PKD1L3: variants seen among roughly 807,000 people sequenced by gnomAD.
PKD1L3 encodes the protein polycystin 1 like 3, transient receptor potential channel interacting.
A neutral mutation model predicts 184.1 loss-of-function variants in PKD1L3; 239 were observed. The ratio of observed to expected loss-of-function variants is 1.30; its 90% confidence interval spans 1.17 to 1.45. PKD1L3 has a LOEUF of 1.45. PKD1L3 is among the 40% of genes most tolerant of loss of function. The pLI, the probability that PKD1L3 is intolerant of heterozygous loss-of-function variation, is 0.00. For synonymous variants in PKD1L3, 996 were observed against 778.8 expected (o/e 1.28, Z -4.64); for missense variants, 2,660 against 2,067.2 (o/e 1.29, Z -5.56).
In PKD1L3 at chr16:71,977,226, TG is replaced by T; in HGVS notation, c.1759+9del. 1 of 1,493,328 alleles carries T rather than the reference TG, an allele frequency of 6.7e-7. No homozygotes were observed. The highest frequency in any genetic ancestry group is 1.2e-5 in the South Asian group (1 of 82,740). The allele number at this position is 1,493,328 out of a possible 1,614,324, so 92.5% of individuals were successfully genotyped here. A position where few individuals can be genotyped will look rare whatever the true frequency, so the allele number is the denominator to read the frequency against. On this transcript the variant is annotated intron_variant, in intron 11 of 29. Transcript: ENST00000620267. The stretch of plus-strand genomic sequence containing the variant: ...TCAAAGTAAGTTTCTGACAGCTGAT[TG>T]GGTTTTACCTTTTTGCCACACCTTA...
chr16:71,938,306 G>A (rs74027716), intron 24 of PKD1L3, among the ~76,000 whole-genome samples: 5 of 152,212 alleles, frequency 3.3e-5, no homozygotes, highest in East Asian at 3.8e-4. Context: ...GGCCTTCTCC[G>A]AACTTTGGAC....
At chr16:71,997,610 T>C (rs1399980119) in intron 2 of PKD1L3, among the ~76,000 whole-genome samples, 1 of 152,016 alleles carries the variant, frequency 6.6e-6, no homozygotes, top group Admixed American at 6.5e-5. Flanking sequence ...TAGCCGGGCA[T>C]GGTGGCACAT....
chr16:71,968,223 G>C lies in PKD1L3; in HGVS notation c.2185-216C>G, dbSNP rs116159819. 1.8e-4 allele frequency among the ~76,000 whole-genome samples: 28 copies of C among 152,264 alleles called. 1 individual carries two copies. The highest frequency in any genetic ancestry group is 9.8e-4 in the Admixed American group (15 of 15,294). ...CCTCCAGGGCCTGTGCCTCTCAAGT[G>C]AAACAGTCATAGAATCACCCGATCA... On this transcript the variant is annotated intron_variant, in intron 13 of 29. Coordinates refer to ENST00000620267, the MANE Select transcript of PKD1L3 (RefSeq NM_181536.2).
chr16:71,979,629 A>G (rs1243911478), intron 9 of PKD1L3, among the ~76,000 whole-genome samples, 157 bp downstream of exon 9: 1 of 152,254 alleles, frequency 6.6e-6, no homozygotes, highest in Non-Finnish European at 1.5e-5. Flanking sequence ...AGAGGCCTCT[A>G]TCCCTGCCAG....
At chr16:71,960,756 A>G (rs1480704764) in intron 16 of PKD1L3, among the ~76,000 whole-genome samples, 1 of 152,200 alleles carries the variant, frequency 6.6e-6, no homozygotes, top group African/African-American at 2.4e-5. Flanking sequence ...ATGTCTATAT[A>G]TGTTTTAAAA....
intron 7 of PKD1L3, among the ~76,000 whole-genome samples, chr16:71,981,635 G>C (rs2040162018): frequency 6.6e-6 from 1 of 150,510 alleles, no homozygotes; most frequent in Non-Finnish European, 1.5e-5. Context: ...CTGCCTCCCA[G>C]GTTCAAGCGA....
rs377673240 is a variant in PKD1L3 at position 71,986,399 on chromosome 16, G to T, written c.656C>A (p.Ser219Ter). The part of the protein sequence containing the change: ...VLSSITSQVT[S>*]AASEPSSQPL... ...CTGGCTGCTGGGTTCAGATGCGGCTGATGTTACCTGTGATGTGATACTTGA... is the reference window on the plus strand; with the variant it reads ...CTGGCTGCTGGGTTCAGATGCGGCTTATGTTACCTGTGATGTGATACTTGA... Residue 219 changes from serine to a stop codon, truncating the protein, a stop_gained, in exon 5 of 30, where the codon TCA becomes TAA. Coordinates refer to ENST00000620267, the MANE Select transcript of PKD1L3 (RefSeq NM_181536.2). LOFTEE classifies it high-confidence loss of function. 12 of 1,551,722 alleles carry T rather than the reference G, an allele frequency of 7.7e-6. No individual in the cohort carries two copies. In the South Asian group the frequency reaches 1.4e-4, roughly 18 times the overall value.
intron 16 of PKD1L3, among the ~76,000 whole-genome samples, chr16:71,957,429 C>CAA (rs138890543): frequency 1.3e-5 from 2 of 151,850 alleles, no homozygotes; most frequent in African/African-American, 4.8e-5. Flanking sequence ...CAGAATGGAC[C>CAA]AAAAAAATGC....
chr16:71,993,107 T>C (rs998302876), intron 3 of PKD1L3, 109 bp downstream of exon 3: 21 of 748,306 alleles, frequency 2.8e-5, no homozygotes, highest in Non-Finnish European at 4.0e-5. Flanking sequence ...ATGCAACGAA[T>C]ATTGGGCACA....
chr16:71,947,414 A>C, intron 22 of PKD1L3, 78 bp downstream of exon 22: 2 of 940,362 alleles, frequency 2.1e-6, no homozygotes, highest in Non-Finnish European at 3.3e-6. Context: ...GAATGGGTTA[A>C]TTTATCGAGT....
chr16:71,947,614 A>T (rs922173717), intron 21 of PKD1L3, 23 bp from the exon 22 acceptor site: 1 of 1,445,900 alleles, frequency 6.9e-7, no homozygotes, highest in African/African-American at 1.4e-5. Context: ...ATCACAGAAC[A>T]TCGTGAGCAG....
At chr16:71,953,602 T>C (rs980827898) in intron 17 of PKD1L3, among the ~76,000 whole-genome samples, 1 of 152,354 alleles carries the variant, frequency 6.6e-6, no homozygotes, top group African/African-American at 2.4e-5. Flanking sequence ...CACACACTTT[T>C]TTTTAATCCC....
chr16:71,973,592 C>T, intron 11 of PKD1L3, 75 bp from the exon 12 acceptor site: 1 of 1,282,728 alleles, frequency 7.8e-7, no homozygotes, highest in East Asian at 2.5e-5. Context: ...TCTAAAGGAT[C>T]TATTATTAAT....
chr16:71,931,806 C>CTA (rs2037982071), intron 28 of PKD1L3, among the ~76,000 whole-genome samples: 1 of 152,098 alleles, frequency 6.6e-6, no homozygotes, highest in African/African-American at 2.4e-5. Context: ...TGCATAAACC[C>CTA]TATATACATC....
intron 2 of PKD1L3, 71 bp downstream of exon 2, chr16:71,998,201 C>T: frequency 1.3e-6 from 2 of 1,531,936 alleles, no homozygotes; most frequent in Admixed American, 2.0e-5. Context: ...CCAATATTCT[C>T]ACATGCACTC....
At chr16:71,971,311 C>T (rs185807566) in intron 12 of PKD1L3, among the ~76,000 whole-genome samples, 1 of 152,316 alleles carries the variant, frequency 6.6e-6, no homozygotes, top group Non-Finnish European at 1.5e-5. Flanking sequence ...TATGTTGGAA[C>T]ATTTCTGCAT....
chr16:71,959,792 A>C (rs2039199667), intron 16 of PKD1L3, among the ~76,000 whole-genome samples: 1 of 152,126 alleles, frequency 6.6e-6, no homozygotes, highest in Non-Finnish European at 1.5e-5. Flanking sequence ...GAAAAAATAC[A>C]ATGTATAGTT....
intron 28 of PKD1L3, among the ~76,000 whole-genome samples, chr16:71,931,963 C>G (rs1482441427): frequency 6.6e-6 from 1 of 152,144 alleles, no homozygotes. Flanking sequence ...TCATTGCATC[C>G]TCACTCCTGA....
At chr16:71,937,936 G>A (rs1047918271) in intron 24 of PKD1L3, among the ~76,000 whole-genome samples, 10 of 152,226 alleles carry the variant, frequency 6.6e-5, no homozygotes, top group Non-Finnish European at 1.3e-4. Flanking sequence ...GCAGCACCCT[G>A]TCTGGAGTGG....
Sources: allele counts gnomAD v4.1 joint callset (sites outside exome capture counted in the v4.1 genomes callset), GRCh38; gene constraint gnomAD v4.1.1; transcripts MANE v1.5; gene names NCBI Gene and HGNC (gene_info 2026-07-23, HGNC 2026-07-21).